TRPM1: variants seen among roughly 807,000 people sequenced by gnomAD.
TRPM1 encodes TRPM1-203 APA Isoform, Intron 10.
Under a neutral mutation model 149.4 loss-of-function variants are expected in TRPM1, and 113 were observed. The ratio of observed to expected loss-of-function variants is 0.76; its 90% CI spans 0.65 to 0.88. The LOEUF is 0.88. Among genes scored for constraint, TRPM1 ranks in the 40% least tolerant of loss-of-function variants. TRPM1 has a pLI of 0.00. For missense variants in TRPM1, 1,976 were observed against 2,038.7 expected (o/e 0.97, Z 0.59); for synonymous variants, 741 against 759.5 (o/e 0.98, Z 0.40).
intron 22 of TRPM1, 145 bp from the exon 23 acceptor site, chr15:31,031,302 C>A: frequency 1.2e-6 from 1 of 865,482 alleles, no homozygotes; most frequent in South Asian, 1.5e-5. Flanking sequence ...TTCTTCCCAT[C>A]CCTGGGAAGG....
At position 31,047,270 on chromosome 15, in the gene TRPM1, C is replaced by G; in HGVS notation, c.1624-19G>C. 6.2e-7 allele frequency: 1 copy of G among 1,614,180 alleles called. No homozygotes were observed. On this transcript the variant is annotated intron_variant, in intron 14 of 27. Coordinates refer to ENST00000256552, the MANE Select transcript of TRPM1 (RefSeq NM_001252024.2). Reference sequence around the variant, plus strand: ...GGTTGCTCTGTAAAAGAAGTCTGGTCTCAGGCCCTGTGAGAATGCGTTCGC... The same window carrying G: ...GGTTGCTCTGTAAAAGAAGTCTGGTGTCAGGCCCTGTGAGAATGCGTTCGC...
At chr15:31,009,343 A>G (rs2032102456) in intron 27 of TRPM1, among the ~76,000 whole-genome samples, 2 of 152,178 alleles carry the variant, frequency 1.3e-5, no homozygotes, top group South Asian at 4.1e-4. Context: ...AATAAATAAA[A>G]TTTAAAATTA....
chr15:31,017,134 C>T (rs1482157349), intron 27 of TRPM1, among the ~76,000 whole-genome samples: 3 of 152,090 alleles, frequency 2.0e-5, no homozygotes, highest in Non-Finnish European at 2.9e-5. Flanking sequence ...GTGAAACCCC[C>T]GTCTCTACTA....
At chr15:31,159,411 G>A (rs2036417653) in intron 1 of TRPM1, among the ~76,000 whole-genome samples, 1 of 152,212 alleles carries the variant, frequency 6.6e-6, no homozygotes, top group Admixed American at 6.5e-5. Flanking sequence ...GGAGGAGGAG[G>A]TCACGTGGAG....
chr15:31,005,346 C>G (rs895220444), intron 27 of TRPM1, among the ~76,000 whole-genome samples: 1 of 152,064 alleles, frequency 6.6e-6, no homozygotes, highest in Non-Finnish European at 1.5e-5. Context: ...CTATTTTCCC[C>G]TTTATTACCT....
chr15:31,121,317 A>G (rs1463672010), intron 1 of TRPM1, among the ~76,000 whole-genome samples: 1 of 152,080 alleles, frequency 6.6e-6, no homozygotes, highest in Non-Finnish European at 1.5e-5. Context: ...AAACTAATAT[A>G]AGCAGGAAAA....
chr15:31,040,261 G>A lies in TRPM1; in HGVS notation c.2173C>T (p.Leu725=). 1 of 1,614,206 alleles carries A rather than the reference G, an allele frequency of 6.2e-7. No homozygotes were observed. Among genetic ancestry groups the A allele is most frequent in the Non-Finnish European group, 8.5e-7 (1 of 1,180,042 alleles). The part of the protein sequence containing the change: ...QIAMKLLTYE[L]KNWSNSTCLK... ...CAGGTCGAGTTGCTCCAGTTTTTCA[G>A]CTCGTAGGTCAGGAGTTTCATAGCG... is the stretch of plus-strand genomic sequence containing the variant. The change falls in exon 18 of 28, where the codon CTG becomes TTG. Residue 725 remains leucine, a synonymous_variant. Transcript: ENST00000256552. This position sits in a 1 kb window ranked among gnomAD's most constrained non-coding sequence, Gnocchi z 4.2.
chr15:31,020,119 T>A (rs922299513), intron 27 of TRPM1, among the ~76,000 whole-genome samples: 1 of 152,256 alleles, frequency 6.6e-6, no homozygotes, highest in East Asian at 1.9e-4. Context: ...AGAATTCAAG[T>A]CATCTAATCA....
At chr15:31,112,950 C>A (rs1371101782) in intron 1 of TRPM1, among the ~76,000 whole-genome samples, 1 of 152,124 alleles carries the variant, frequency 6.6e-6, no homozygotes, top group Non-Finnish European at 1.5e-5. Context: ...ACGAAAGTAT[C>A]ACAACAGAGG....
At chr15:31,028,278 A>G (rs1354711642) in intron 25 of TRPM1, 54 bp downstream of exon 25, 26 of 1,610,280 alleles carry the variant, frequency 1.6e-5, no homozygotes, top group South Asian at 1.1e-5. Context: ...GATTAAATGG[A>G]AAATCTGTAC....
intron 27 of TRPM1, among the ~76,000 whole-genome samples, chr15:31,025,454 G>C (rs747594568): frequency 3.9e-5 from 6 of 152,102 alleles, no homozygotes; most frequent in Admixed American, 2.0e-4. Context: ...TGTACCTCGC[G>C]ACCTGACTTC....
At chr15:31,113,614 G>C (rs780607337) in intron 1 of TRPM1, among the ~76,000 whole-genome samples, 2 of 152,076 alleles carry the variant, frequency 1.3e-5, no homozygotes, top group Non-Finnish European at 2.9e-5. Context: ...GTAAACTTGT[G>C]TCATAGCACT....
Position 31,050,617 on chromosome 15 carries a change from A to G in TRPM1, c.1264-35T>C, listed in dbSNP as rs16956494. On this transcript the variant is annotated intron_variant, in intron 11 of 27. Coordinates refer to ENST00000256552, the MANE Select transcript of TRPM1 (RefSeq NM_001252024.2). ...ACAGCAATCAGAGTTGGGAAATGGT[A>G]CTAAGGCTCTTTCTTGTCCCCAGAC... 5,132 of 1,612,732 alleles carry G rather than the reference A, an allele frequency of 3.2e-3. 143 individuals are homozygous for G. The African/African-American group carries it at 0.057, about 18-fold the overall frequency.
At chr15:31,077,436 G>A (rs556696141) in intron 2 of TRPM1, among the ~76,000 whole-genome samples, 2 of 107,580 alleles carry the variant, frequency 1.9e-5, no homozygotes, top group African/African-American at 3.6e-5. Flanking sequence ...TATCCCACAT[G>A]GCCTCTTGTT....
At chr15:31,124,433 C>T (rs138136357) in intron 1 of TRPM1, among the ~76,000 whole-genome samples, 509 of 152,014 alleles carry the variant, frequency 3.3e-3, no homozygotes, top group Admixed American at 6.9e-3. Context: ...TCAGGCAGAT[C>T]GCATGAGGCC....
In TRPM1 at chr15:31,019,353, GAAAGACTAAAT is replaced by G. The variant is rs368756447; in HGVS notation, c.3629+6775_3629+6785del. Among the ~76,000 whole-genome samples, 121 of 152,314 alleles carry G rather than the reference GAAAGACTAAAT, an allele frequency of 7.9e-4. 1 individual carries two copies. Among genetic ancestry groups the G allele is most frequent in the South Asian group, 4.6e-3 (22 of 4,828 alleles). ...GCTTACTTACAGAGTTTTTATGTGT[GAAAGACTAAAT>G]GAAGACTAATCATAAAAGAACAAGA... On this transcript the variant is annotated intron_variant, in intron 27 of 27. Transcript: ENST00000256552.
At position 31,031,119 on chromosome 15, in the gene TRPM1, G is replaced by C; in HGVS notation, c.2991C>G (p.Val997=). Residue 997 remains valine, a synonymous_variant, in exon 23 of 28, where the codon GTC becomes GTG. Coordinates refer to ENST00000256552, the MANE Select transcript of TRPM1 (RefSeq NM_001252024.2). ...GGGCTACTCCGAAACTCATGAGCACGACCAGCATGATGACCACAAAGTACA... is the reference window on the plus strand; with the variant it reads ...GGGCTACTCCGAAACTCATGAGCACCACCAGCATGATGACCACAAAGTACA... The part of the protein sequence containing the change: ...DMLYFVVIML[V]VLMSFGVARQ... 2 of 1,614,178 alleles carry C rather than the reference G, an allele frequency of 1.2e-6. No individual in the cohort carries two copies. Among genetic ancestry groups the C allele is most frequent in the Non-Finnish European group, 1.7e-6 (2 of 1,180,020 alleles).
intron 1 of TRPM1, among the ~76,000 whole-genome samples, chr15:31,157,116 T>C (rs947817027): frequency 6.6e-6 from 1 of 152,150 alleles, no homozygotes; most frequent in Non-Finnish European, 1.5e-5. Flanking sequence ...CTTCACCATG[T>C]TGCCCAGACT....
chr15:31,093,292 A>T (rs575600166), intron 1 of TRPM1, among the ~76,000 whole-genome samples: 1 of 151,406 alleles, frequency 6.6e-6, no homozygotes. Context: ...AAAAAGATTA[A>T]AAAAGCTCCC....
Sources: allele counts gnomAD v4.1 joint callset (sites outside exome capture counted in the v4.1 genomes callset), GRCh38; gene constraint gnomAD v4.1.1; non-coding constraint Gnocchi (gnomAD v3.1); transcripts MANE v1.5; gene names NCBI Gene and HGNC (gene_info 2026-07-23, HGNC 2026-07-21).